GYS2: variants seen among roughly 807,000 people sequenced by gnomAD.
The protein encoded by GYS2 is glycogen synthase 2, also known as glycogen [starch] synthase, liver.
A neutral mutation model predicts 85.6 loss-of-function variants in GYS2; 80 were observed. The ratio of observed to expected loss-of-function variants is 0.93; its 90% CI spans 0.78 to 1.13. GYS2 has a LOEUF of 1.13. Among genes scored for constraint, GYS2 ranks in the 50% most tolerant of loss-of-function variants. GYS2 has a pLI of 0.00. For synonymous variants in GYS2, 328 were observed against 300.7 expected (o/e 1.09, Z -0.94); for missense variants, 881 against 854.9 (o/e 1.03, Z -0.38).
intron 4 of GYS2, among the ~76,000 whole-genome samples, chr12:21,573,432 A>G (rs1365388828): frequency 6.6e-6 from 1 of 152,190 alleles, no homozygotes; most frequent in Non-Finnish European, 1.5e-5. Context: ...TGTTAATATT[A>G]TTAACATGAT....
At chr12:21,557,895 T>C (rs2136871476) in intron 11 of GYS2, among the ~76,000 whole-genome samples, 1 of 151,900 alleles carries the variant, frequency 6.6e-6, no homozygotes, top group South Asian at 2.1e-4. Context: ...CGAGACTCCG[T>C]CTCAAAAAAA....
downstream of GYS2, among the ~76,000 whole-genome samples, chr12:21,534,065 C>T (rs1481911319): frequency 4.6e-5 from 7 of 152,138 alleles, no homozygotes; most frequent in African/African-American, 1.4e-4. Flanking sequence ...GATACCATCA[C>T]ATTGGGGATT....
Position 21,574,264 on chromosome 12 carries a change from A to G in GYS2, c.558T>C (p.Ile186=), listed in dbSNP as rs1326895710. The change falls in exon 4 of 16, where the codon ATT becomes ATC. Residue 186 remains isoleucine (I), a synonymous_variant. Coordinates refer to ENST00000261195, the MANE Select transcript of GYS2 (RefSeq NM_021957.4). ...VAQFHEWQAG[I]GLILSRARKL... ...TCCTGGCTCGAGAAAGGATCAGTCC[A>G]ATTCCAGCCTGCCATTCATGGAATT... is the stretch of plus-strand genomic sequence containing the variant. 1.2e-6 allele frequency: 2 copies of G among 1,613,932 alleles called. No homozygotes were observed. Among genetic ancestry groups the G allele is most frequent in the Non-Finnish European group, 1.7e-6 (2 of 1,179,806 alleles).
At chr12:21,560,711 A>T (rs1944242932) in intron 7 of GYS2, among the ~76,000 whole-genome samples, 1 of 152,208 alleles carries the variant, frequency 6.6e-6, no homozygotes, top group Admixed American at 6.5e-5. Flanking sequence ...TGTACTTGCC[A>T]ATAAACAAAT....
chr12:21,540,563 G>T lies in GYS2; in HGVS notation c.1656C>A (p.Ile552=). 6.2e-7 allele frequency: 1 copy of T among 1,613,630 alleles called. No homozygotes were observed. The highest frequency in any genetic ancestry group is 8.5e-7 in the Non-Finnish European group (1 of 1,179,602). The part of the protein sequence containing the change: ...VADPTAYGIY[I]VDRRFRSPDD... Reference sequence around the variant, plus strand: ...CTGGAGAACGGAACCGCCTGTCAACGATGTAAATACCTGAAGAACACAAAA... The same window carrying T: ...CTGGAGAACGGAACCGCCTGTCAACTATGTAAATACCTGAAGAACACAAAA... Residue 552 remains isoleucine, a synonymous_variant, in exon 14 of 16, where the codon ATC becomes ATA. Coordinates refer to ENST00000261195, the MANE Select transcript of GYS2 (RefSeq NM_021957.4).
At chr12:21,578,603 T>C in intron 2 of GYS2, among the ~76,000 whole-genome samples, 1 of 152,184 alleles carries the variant, frequency 6.6e-6, no homozygotes, top group East Asian at 1.9e-4. Flanking sequence ...CTTTTAATTG[T>C]CATAAAATGA....
chr12:21,592,851 C>T (rs150901432), intron 1 of GYS2, among the ~76,000 whole-genome samples: 36 of 152,092 alleles, frequency 2.4e-4, no homozygotes, highest in Middle Eastern at 3.4e-3. Flanking sequence ...CAGCACATGA[C>T]GCATTCCCCA....
chr12:21,554,708 G>C (rs1446904020), intron 11 of GYS2, among the ~76,000 whole-genome samples: 1 of 152,176 alleles, frequency 6.6e-6, no homozygotes, highest in Non-Finnish European at 1.5e-5. Flanking sequence ...CGACTTTTAG[G>C]TTGGAACCCA....
chr12:21,544,609 C>T (rs765152011), intron 12 of GYS2, among the ~76,000 whole-genome samples: 16 of 152,242 alleles, frequency 1.1e-4, no homozygotes, highest in African/African-American at 3.1e-4. Flanking sequence ...ATCAGTGAAA[C>T]GTGTGCTTTA....
At chr12:21,600,157 T>C (rs1191951916) in intron 1 of GYS2, among the ~76,000 whole-genome samples, 1 of 152,134 alleles carries the variant, frequency 6.6e-6, no homozygotes, top group Non-Finnish European at 1.5e-5. Flanking sequence ...TCTCACTCTG[T>C]CACCCCGGCT....
At chr12:21,601,317 A>G (rs1411671316) in intron 1 of GYS2, among the ~76,000 whole-genome samples, 4 of 151,976 alleles carry the variant, frequency 2.6e-5, no homozygotes, top group African/African-American at 9.7e-5. Flanking sequence ...AGTACTTCCC[A>G]CTACTGTGGA....
chr12:21,562,169 A>G (rs141468251), intron 7 of GYS2, among the ~76,000 whole-genome samples: 1,732 of 152,262 alleles, frequency 0.011, 23 homozygotes, highest in Middle Eastern at 0.041. Context: ...AGTAAAAAAA[A>G]TGATTTCACA....
intron 1 of GYS2, among the ~76,000 whole-genome samples, chr12:21,599,469 C>A (rs1015992229): frequency 6.6e-6 from 1 of 152,178 alleles, no homozygotes; most frequent in Non-Finnish European, 1.5e-5. Flanking sequence ...AGACCACCTG[C>A]ACTACCTACA....
chr12:21,544,765 A>T (rs1327255386), intron 12 of GYS2, among the ~76,000 whole-genome samples: 5 of 152,190 alleles, frequency 3.3e-5, no homozygotes, highest in African/African-American at 4.8e-5. Flanking sequence ...AATATTTCCT[A>T]TGTCATGTTT....
At chr12:21,591,905 A>G (rs1045789041) in intron 1 of GYS2, among the ~76,000 whole-genome samples, 1 of 152,152 alleles carries the variant, frequency 6.6e-6, no homozygotes, top group Non-Finnish European at 1.5e-5. Context: ...TTCTTCAAAA[A>G]TGAAGGATAA....
chr12:21,558,554 C>A (rs1186618623), intron 10 of GYS2, among the ~76,000 whole-genome samples: 1 of 152,100 alleles, frequency 6.6e-6, no homozygotes, highest in Admixed American at 6.6e-5. Context: ...ATATGAGAGA[C>A]CTGGACTTCT....
At chr12:21,580,267 T>G in intron 2 of GYS2, 75 bp downstream of exon 2, 10 of 1,272,100 alleles carry the variant, frequency 7.9e-6, no homozygotes, top group Non-Finnish European at 1.1e-5. Context: ...TCTTCTCTTG[T>G]GAGTTCATGT....
intron 1 of GYS2, among the ~76,000 whole-genome samples, chr12:21,581,415 C>T (rs1444291666): frequency 6.6e-6 from 1 of 152,138 alleles, no homozygotes; most frequent in Non-Finnish European, 1.5e-5. Flanking sequence ...ATTCTGATGA[C>T]CAGTGCATGC....
intron 11 of GYS2, among the ~76,000 whole-genome samples, chr12:21,552,850 C>T (rs565153397): frequency 6.6e-6 from 1 of 152,234 alleles, no homozygotes; most frequent in Middle Eastern, 3.4e-3. Context: ...ATCTAGCTAA[C>T]ACGTCATCTC....
Sources: allele counts gnomAD v4.1 joint callset (sites outside exome capture counted in the v4.1 genomes callset), GRCh38; gene constraint gnomAD v4.1.1; transcripts MANE v1.5; gene names NCBI Gene and HGNC (gene_info 2026-07-23, HGNC 2026-07-21).